The following SYNPR variants were observed in gnomAD, a reference collection of about 807,000 sequenced individuals.
SYNPR encodes the protein synaptoporin.
Under a neutral mutation model 32.9 loss-of-function variants are expected in SYNPR, and 23 were observed. The observed-to-expected ratio is 0.70, with a 90% confidence interval of 0.50 to 0.99. SYNPR has a LOEUF of 0.99. SYNPR is among the 50% of genes least tolerant of loss of function. SYNPR has a pLI of 0.00. For missense variants in SYNPR, 318 were observed against 349.3 expected (o/e 0.91, Z 0.71); for synonymous variants, 146 against 135.9 (o/e 1.07, Z -0.52).
intron 2 of SYNPR, among the ~76,000 whole-genome samples, chr3:63,407,164 C>T (rs2088371083): frequency 6.6e-6 from 1 of 152,146 alleles, no homozygotes; most frequent in African/African-American, 2.4e-5. Flanking sequence ...CTTGATTTTC[C>T]GTGGAGAAAT....
At chr3:63,495,704 CT>C (rs1451060026) in intron 3 of SYNPR, among the ~76,000 whole-genome samples, 1 of 152,032 alleles carries the variant, frequency 6.6e-6, no homozygotes, top group Non-Finnish European at 1.5e-5. Flanking sequence ...AAAAGTAGCA[CT>C]TTTTTTGGTT....
At chr3:63,383,576 G>A (rs187404613) in intron 2 of SYNPR, among the ~76,000 whole-genome samples, 1 of 152,096 alleles carries the variant, frequency 6.6e-6, no homozygotes, top group East Asian at 1.9e-4. Context: ...AATTAGCCAG[G>A]CATGATTGCA....
At chr3:63,550,574 C>T (rs1275886934) in intron 3 of SYNPR, among the ~76,000 whole-genome samples, 4 of 152,002 alleles carry the variant, frequency 2.6e-5, no homozygotes, top group Non-Finnish European at 5.9e-5. Context: ...TATTGCTATT[C>T]GGCTGACTGC....
intron 4 of SYNPR, among the ~76,000 whole-genome samples, chr3:63,560,590 T>C (rs762269545): frequency 4.1e-4 from 62 of 152,210 alleles, no homozygotes; most frequent in Non-Finnish European, 7.5e-4. Flanking sequence ...CTTTAAAGAA[T>C]GGCCTGAGAT....
intron 2 of SYNPR, among the ~76,000 whole-genome samples, chr3:63,475,786 C>T (rs1219689923): frequency 6.6e-6 from 1 of 152,124 alleles, no homozygotes; most frequent in Non-Finnish European, 1.5e-5. Context: ...AGTTTTCATT[C>T]CATCCTGGCT....
chr3:63,569,422 A>C (rs1173922801), intron 4 of SYNPR, among the ~76,000 whole-genome samples: 1 of 152,190 alleles, frequency 6.6e-6, no homozygotes, highest in Non-Finnish European at 1.5e-5. Flanking sequence ...CTGAAATCTT[A>C]TGCTGTTGTA....
chr3:63,266,713 A>AAAAAAAAC (rs1464516301), intron 2 of SYNPR, among the ~76,000 whole-genome samples: 2 of 149,534 alleles, frequency 1.3e-5, no homozygotes, highest in Non-Finnish European at 3.0e-5. Flanking sequence ...GTCTCAAAAA[A>AAAAAAAAC]AAAAACACAA....
chr3:63,351,949 C>G (rs548278089), intron 2 of SYNPR, among the ~76,000 whole-genome samples: 1 of 152,220 alleles, frequency 6.6e-6, no homozygotes. Flanking sequence ...TGCTAAGATG[C>G]TAGGATCGGC....
In SYNPR at chr3:63,565,149, C is replaced by G. The variant is rs149409860; in HGVS notation, c.408+8408C>G. Among the ~76,000 whole-genome samples, 1,059 of 152,142 alleles carry G rather than the reference C, an allele frequency of 7.0e-3. 42 individuals are homozygous for G. Among genetic ancestry groups the G allele is most frequent in the Admixed American group, 0.062 (948 of 15,264 alleles). Reference sequence around the variant, plus strand: ...GTTTCTACTCCATAGCCTGGCATACCCAGAGAAAACTTGGCTTCCTTTCTC... The same window carrying G: ...GTTTCTACTCCATAGCCTGGCATACGCAGAGAAAACTTGGCTTCCTTTCTC... On this transcript the variant is annotated intron_variant, in intron 4 of 5. Coordinates refer to ENST00000478300, the MANE Select transcript of SYNPR (RefSeq NM_001130003.2).
intron 2 of SYNPR, among the ~76,000 whole-genome samples, chr3:63,454,950 A>G (rs578049185): frequency 6.6e-6 from 1 of 152,320 alleles, no homozygotes; most frequent in South Asian, 2.1e-4. Flanking sequence ...TATATGTGGA[A>G]AACATATTAG....
At chr3:63,408,473 G>A (rs1198222725) in intron 2 of SYNPR, among the ~76,000 whole-genome samples, 1 of 152,128 alleles carries the variant, frequency 6.6e-6, no homozygotes, top group Non-Finnish European at 1.5e-5. Context: ...GGAGAACCAG[G>A]GAAGCTGGTA....
intron 2 of SYNPR, among the ~76,000 whole-genome samples, chr3:63,460,254 C>A (rs1275478326): frequency 6.6e-6 from 1 of 152,038 alleles, no homozygotes; most frequent in Admixed American, 6.6e-5. Context: ...TCCTGTAATG[C>A]CCCTTACATC....
intron 2 of SYNPR, among the ~76,000 whole-genome samples, chr3:63,413,943 G>T (rs1158062596): frequency 6.6e-6 from 1 of 151,764 alleles, no homozygotes; most frequent in Non-Finnish European, 1.5e-5. Context: ...TATTTTCTTA[G>T]TAACAGTTGG....
chr3:63,494,393 T>TTA (rs60624781), intron 3 of SYNPR, among the ~76,000 whole-genome samples: 5,030 of 54,820 alleles, frequency 0.092, 154 homozygotes, highest in Non-Finnish European at 0.13. Flanking sequence ...ATGTTAATTC[T>TTA]TATATATATA....
chr3:63,210,295 T>C, the SYNPR span, among the ~76,000 whole-genome samples: 19 of 152,334 alleles, frequency 1.2e-4, no homozygotes, highest in Non-Finnish European at 2.5e-4. Context: ...CTAATTTTAG[T>C]GGTTTCTTTC....
intron 3 of SYNPR, among the ~76,000 whole-genome samples, chr3:63,527,744 CT>C (rs1387728042): frequency 4.6e-5 from 7 of 152,170 alleles, no homozygotes; most frequent in Non-Finnish European, 8.8e-5. Context: ...CAGCAACCCC[CT>C]GATGGGTAAT....
intron 2 of SYNPR, among the ~76,000 whole-genome samples, chr3:63,309,798 A>G (rs1191002729): frequency 6.6e-6 from 1 of 152,004 alleles, no homozygotes; most frequent in African/African-American, 2.4e-5. Flanking sequence ...TGCTTACTCC[A>G]GAGTTCTCTC....
At chr3:63,521,626 C>T (rs1701915269) in intron 3 of SYNPR, among the ~76,000 whole-genome samples, 1 of 152,128 alleles carries the variant, frequency 6.6e-6, no homozygotes, top group Non-Finnish European at 1.5e-5. Context: ...TTCTTGGATC[C>T]CTCACAAAGT....
intron 2 of SYNPR, among the ~76,000 whole-genome samples, chr3:63,282,111 C>G (rs909439676): frequency 6.6e-6 from 1 of 152,156 alleles, no homozygotes; most frequent in Non-Finnish European, 1.5e-5. Flanking sequence ...GACAGGAATA[C>G]CAGCTAAGTC....
Sources: allele counts gnomAD v4.1 joint callset (sites outside exome capture counted in the v4.1 genomes callset), GRCh38; gene constraint gnomAD v4.1.1; transcripts MANE v1.5; gene names NCBI Gene and HGNC (gene_info 2026-07-23, HGNC 2026-07-21).